Variants in PPP2R2C observed in about 807,000 individuals in gnomAD.
PPP2R2C encodes protein phosphatase 2 regulatory subunit Bgamma.
Under a neutral mutation model 45.3 loss-of-function variants are expected in PPP2R2C, and 10 were observed. That is an observed-to-expected ratio of 0.22 (90% CI 0.14 to 0.37). The LOEUF is 0.37. Ranked by LOEUF, PPP2R2C falls within the 10% of genes least tolerant of loss-of-function variation. The pLI, the probability that PPP2R2C is intolerant of heterozygous loss-of-function variation, is 1.00. For synonymous variants in PPP2R2C, 257 were observed against 245.4 expected (o/e 1.05, Z -0.44); for missense variants, 308 against 619.7 (o/e 0.50, Z 5.34).
At chr4:6,485,193 A>G (rs967014288) in intron 2 of PPP2R2C, among the ~76,000 whole-genome samples, 1 of 151,942 alleles carries the variant, frequency 6.6e-6, no homozygotes. Flanking sequence ...AATTGTTAAT[A>G]TGGTAAATTA....
intron 1 of PPP2R2C, among the ~76,000 whole-genome samples, chr4:6,438,570 T>C (rs1332969541): frequency 6.6e-6 from 1 of 152,244 alleles, no homozygotes; most frequent in Non-Finnish European, 1.5e-5. Context: ...AATGTTTCTT[T>C]AACAGGAATT....
chr4:6,531,484 G>C (rs1228377720), intron 2 of PPP2R2C, among the ~76,000 whole-genome samples: 2 of 152,050 alleles, frequency 1.3e-5, no homozygotes, highest in African/African-American at 2.4e-5. Context: ...TGGTAGCCCA[G>C]ATAACGCCCC....
chr4:6,512,215 G>A (rs1439180325), intron 2 of PPP2R2C, among the ~76,000 whole-genome samples: 77 of 88,756 alleles, frequency 8.7e-4, no homozygotes, highest in Non-Finnish European at 1.1e-3. Context: ...GGTGGTGATG[G>A]TGGTGTTGGT....
chr4:6,534,440 A>G (rs982014308), intron 2 of PPP2R2C, among the ~76,000 whole-genome samples: 1 of 151,294 alleles, frequency 6.6e-6, no homozygotes, highest in Non-Finnish European at 1.5e-5. Context: ...ACATACACAT[A>G]TCAACAAACA....
chr4:6,360,465 T>C (rs1460746685), intron 5 of PPP2R2C, among the ~76,000 whole-genome samples: 3 of 151,994 alleles, frequency 2.0e-5, no homozygotes, highest in Non-Finnish European at 4.4e-5. Flanking sequence ...GTGAGGCTCA[T>C]CCAGATGTCT....
chr4:6,390,232 GGT>G (rs1716509427), intron 1 of PPP2R2C, among the ~76,000 whole-genome samples: 1 of 152,024 alleles, frequency 6.6e-6, no homozygotes, highest in Non-Finnish European at 1.5e-5. Flanking sequence ...GGAGGCTGGG[GGT>G]GCACACACTG....
chr4:6,511,618 ATGGTGG>A (rs1486250876), intron 2 of PPP2R2C, among the ~76,000 whole-genome samples: 1 of 2,468 alleles, frequency 4.1e-4, no homozygotes, highest in Non-Finnish European at 9.1e-4. Context: ...GGTGGTGGTG[ATGGTGG>A]TGGTGGTGGT....
At chr4:6,411,334 C>T (rs894837308) in intron 1 of PPP2R2C, among the ~76,000 whole-genome samples, 4 of 152,178 alleles carry the variant, frequency 2.6e-5, no homozygotes, top group South Asian at 2.1e-4. Context: ...TGCTGCCAGC[C>T]TCACAGGGCT....
At position 6,330,241 on chromosome 4, in the gene PPP2R2C, G is replaced by C. The variant is rs184749415; in HGVS notation, c.961-888C>G. 8.7e-4 allele frequency among the ~76,000 whole-genome samples: 133 copies of C among 152,088 alleles called. No individual in the cohort carries two copies. The highest frequency in any genetic ancestry group is 1.9e-3 in the Admixed American group (29 of 15,298). On this transcript the variant is annotated intron_variant, in intron 7 of 8. Transcript: ENST00000382599. This position sits in a 1 kb window ranked among gnomAD's most constrained non-coding sequence, Gnocchi z 7.0. ...TGGAGCTGCCAGGACAACAGGGCAC[G>C]GGCTCTGCCCTCTGGGTGCGGAAGG...
At chr4:6,369,071 T>C (rs958163702) in intron 5 of PPP2R2C, among the ~76,000 whole-genome samples, 6 of 152,232 alleles carry the variant, frequency 3.9e-5, no homozygotes, top group Admixed American at 3.9e-4. Flanking sequence ...TACCTCCATC[T>C]TTTCAGAGAG....
intron 1 of PPP2R2C, among the ~76,000 whole-genome samples, chr4:6,540,662 A>G (rs1724778483): frequency 6.6e-6 from 1 of 152,250 alleles, no homozygotes; most frequent in African/African-American, 2.4e-5. Context: ...CTACTTCCCA[A>G]AGTGGCTACA....
At chr4:6,383,417 C>A (rs531386020) in intron 1 of PPP2R2C, 13 of 1,289,866 alleles carry the variant, frequency 1.0e-5, no homozygotes, top group South Asian at 9.9e-5. Flanking sequence ...CCTTCCCCAG[C>A]CTCATCTACT....
intron 5 of PPP2R2C, among the ~76,000 whole-genome samples, chr4:6,360,190 G>T (rs1713601628): frequency 1.3e-5 from 2 of 152,238 alleles, no homozygotes; most frequent in Non-Finnish European, 2.9e-5. Flanking sequence ...GCAGTGATTT[G>T]CCCAGGGCCA....
In PPP2R2C at chr4:6,324,090, G is replaced by A. The variant is rs1468374380; in HGVS notation, c.1053-497C>T. On this transcript the variant is annotated intron_variant, in intron 8 of 8. Transcript: ENST00000382599. This position sits in a 1 kb window ranked among gnomAD's most constrained non-coding sequence, Gnocchi z 4.1. ...CAGCTGCCACCAACATGCAGACTTTGGGGCCAGGAGCTAAGATCCTTTTTA... is the reference window on the plus strand; with the variant it reads ...CAGCTGCCACCAACATGCAGACTTTAGGGCCAGGAGCTAAGATCCTTTTTA... 2.0e-5 allele frequency among the ~76,000 whole-genome samples: 3 copies of A among 152,094 alleles called. No individual in the cohort carries two copies. Among genetic ancestry groups the A allele is most frequent in the Admixed American group, 2.0e-4 (3 of 15,268 alleles).
chr4:6,347,788 A>AGG, intron 6 of PPP2R2C, 58 bp downstream of exon 6: 1 of 1,328,040 alleles, frequency 7.5e-7, no homozygotes, highest in Non-Finnish European at 1.0e-6. Flanking sequence ...AGGACAGGAC[A>AGG]TCCCACCCGC....
At chr4:6,352,938 A>G (rs1313492062) in intron 5 of PPP2R2C, among the ~76,000 whole-genome samples, 2 of 152,154 alleles carry the variant, frequency 1.3e-5, no homozygotes, top group Non-Finnish European at 2.9e-5. Flanking sequence ...TAAGAGACAG[A>G]AGAGGAGACA....
chr4:6,529,777 CAGCAGA>C lies in PPP2R2C; in HGVS notation c.49+5488_49+5493del, dbSNP rs775560134. Among the ~76,000 whole-genome samples, 425 of 152,342 alleles carry C rather than the reference CAGCAGA, an allele frequency of 2.8e-3. 2 individuals carry two copies. Among genetic ancestry groups the C allele is most frequent in the Non-Finnish European group, 2.7e-3 (186 of 68,032 alleles). On this transcript the variant is annotated intron_variant, in intron 2 of 9. Transcript: ENST00000506140. ...AGCCACTGACCCAGGGCTGGGTACACAGCAGATGCTCAATAAATGTATGTGAAATGA... is the reference window on the plus strand; with the variant it reads ...AGCCACTGACCCAGGGCTGGGTACACTGCTCAATAAATGTATGTGAAATGA...
At position 6,330,622 on chromosome 4, in the gene PPP2R2C, C is replaced by T. The variant is rs973594490; in HGVS notation, c.961-1269G>A. On this transcript the variant is annotated intron_variant, in intron 7 of 8. Coordinates refer to ENST00000382599, the MANE Select transcript of PPP2R2C (RefSeq NM_020416.4). This position sits in a 1 kb window ranked among gnomAD's most constrained non-coding sequence, Gnocchi z 7.0. Reference sequence around the variant, plus strand: ...TCCCCTGGGTCACCAGCCTGCCCGCCTGCTCTGCAGATTTAGAACATGCCA... The same window carrying T: ...TCCCCTGGGTCACCAGCCTGCCCGCTTGCTCTGCAGATTTAGAACATGCCA... Among the ~76,000 whole-genome samples, 1 of 152,158 alleles carries T rather than the reference C, an allele frequency of 6.6e-6. No homozygotes were observed. Among genetic ancestry groups the T allele is most frequent in the Non-Finnish European group, 1.5e-5 (1 of 68,020 alleles).
chr4:6,451,078 G>A (rs908539587), intron 1 of PPP2R2C, among the ~76,000 whole-genome samples: 3 of 152,184 alleles, frequency 2.0e-5, no homozygotes, highest in African/African-American at 7.2e-5. Context: ...ACCCAAGCTG[G>A]TCAGGCGATG....
Sources: gnomAD v4.1 joint callset for allele counts (sites outside exome capture counted in the v4.1 genomes callset) on GRCh38, gnomAD v4.1.1 for gene constraint, Gnocchi (gnomAD v3.1) non-coding constraint, MANE v1.5 for transcripts, NCBI Gene and HGNC (gene_info 2026-07-23, HGNC 2026-07-21) for gene names.